CAPZA2: variants seen among roughly 807,000 people sequenced by gnomAD.
The protein encoded by CAPZA2 is capping actin protein of muscle Z-line subunit alpha 2, also known as F-actin-capping protein subunit alpha-2.
CAPZA2 carries 13 observed loss-of-function variants against 44.0 expected under a neutral mutation model. The ratio of observed to expected loss-of-function variants is 0.30; its 90% CI spans 0.19 to 0.47. The LOEUF is 0.47. Among genes scored for constraint, CAPZA2 ranks in the 20% least tolerant of loss-of-function variants. The pLI is 1.00. For missense variants in CAPZA2, 244 were observed against 338.6 expected, an observed-to-expected ratio of 0.72 and a Z score of 2.19; for synonymous variants, 94 against 108.2, an observed-to-expected ratio of 0.87 and a Z score of 0.81.
intron 3 of CAPZA2, among the ~76,000 whole-genome samples, chr7:116,896,677 A>G (rs1796933110): frequency 6.6e-6 from 1 of 152,288 alleles, no homozygotes; most frequent in South Asian, 2.1e-4. Context: ...TGACTTAGAA[A>G]TTGATTGGGC....
At chr7:116,869,445 C>T (rs1278429936) in intron 1 of CAPZA2, among the ~76,000 whole-genome samples, 1 of 152,224 alleles carries the variant, frequency 6.6e-6, no homozygotes, top group Non-Finnish European at 1.5e-5. Flanking sequence ...CCATTTACCT[C>T]CATCTTCATT....
At chr7:116,912,450 A>C (rs572228266) in intron 8 of CAPZA2, among the ~76,000 whole-genome samples, 3 of 152,234 alleles carry the variant, frequency 2.0e-5, no homozygotes, top group African/African-American at 7.2e-5. Flanking sequence ...TAAAAGAAAC[A>C]CTGTACCATT....
intron 1 of CAPZA2, among the ~76,000 whole-genome samples, chr7:116,881,655 C>T (rs1796704319): frequency 2.1e-5 from 3 of 145,732 alleles, no homozygotes; most frequent in Middle Eastern, 3.5e-3. Flanking sequence ...AGGAGAATGG[C>T]ATGAACCCGG....
intron 1 of CAPZA2, among the ~76,000 whole-genome samples, chr7:116,885,150 T>C (rs1350189960): frequency 6.6e-6 from 1 of 152,218 alleles, no homozygotes; most frequent in African/African-American, 2.4e-5. Flanking sequence ...ATATGCCATT[T>C]GATAATATTT....
At position 116,920,114 on chromosome 7, in the gene CAPZA2, GC is replaced by G. The variant is rs1450509019; in HGVS notation, c.*2248del. 1 of 151,078 alleles carries G rather than the reference GC, an allele frequency of 6.6e-6. No homozygotes were observed. Among genetic ancestry groups the G allele is most frequent in the Non-Finnish European group, 1.5e-5 (1 of 67,854 alleles). 9.4% of individuals were successfully genotyped at this position (151,078 alleles called of 1,614,324 possible). A position where few individuals can be genotyped will look rare whatever the true frequency, so the allele number is the denominator to read the frequency against. On this transcript the variant is annotated 3_prime_UTR_variant, in exon 10 of 10. Coordinates refer to ENST00000361183, the MANE Select transcript of CAPZA2 (RefSeq NM_006136.3). ...AAAAAAATTAGCCGGGGATGGTGAT[GC>G]GCGCCTGTAATCCCAACTACTCAGG...
chr7:116,884,205 C>T (rs1044920000), intron 1 of CAPZA2, among the ~76,000 whole-genome samples: 4 of 152,048 alleles, frequency 2.6e-5, no homozygotes, highest in Admixed American at 6.6e-5. Context: ...TACTCTTAAA[C>T]GTTTTAGAAG....
At chr7:116,904,473 A>C in intron 5 of CAPZA2, 90 bp downstream of exon 5, 1 of 751,238 alleles carries the variant, frequency 1.3e-6, no homozygotes, top group Non-Finnish European at 2.2e-6. Context: ...TACAGAATTG[A>C]CATTGTATAA....
intron 5 of CAPZA2, 114 bp downstream of exon 5, chr7:116,904,497 TC>T (rs1554411052): frequency 4.6e-6 from 3 of 659,296 alleles, no homozygotes; most frequent in South Asian, 4.1e-5. Flanking sequence ...GTCATTTTTT[TC>T]CTTAAATATT....
intron 3 of CAPZA2, among the ~76,000 whole-genome samples, chr7:116,897,814 C>T (rs1244788783): frequency 6.6e-6 from 1 of 151,958 alleles, no homozygotes; most frequent in Non-Finnish European, 1.5e-5. Context: ...CATTTCCTAC[C>T]TCACACTCTG....
At chr7:116,885,521 G>A (rs1252653200) in intron 1 of CAPZA2, among the ~76,000 whole-genome samples, 2 of 152,016 alleles carry the variant, frequency 1.3e-5, no homozygotes, top group African/African-American at 4.8e-5. Flanking sequence ...CACAGGTGGA[G>A]GGCTGAGTCC....
At chr7:116,895,442 A>G (rs895387621) in intron 3 of CAPZA2, among the ~76,000 whole-genome samples, 4 of 152,146 alleles carry the variant, frequency 2.6e-5, no homozygotes, top group Non-Finnish European at 5.9e-5. Context: ...TTTCTCTTTT[A>G]TTATAAACCA....
Position 116,888,130 on chromosome 7 carries a change from C to T in CAPZA2, c.43C>T (p.Arg15Cys), listed in dbSNP as rs761003738. 5 of 1,606,684 alleles carry T rather than the reference C, an allele frequency of 3.1e-6. No homozygotes were observed. Among genetic ancestry groups the T allele is most frequent in the African/African-American group, 2.7e-5 (2 of 74,706 alleles). Reference protein sequence around the residue: ...EEQLSDEEKVRIAAKFIIHAP... With the variant: ...EEQLSDEEKVCIAAKFIIHAP... ...TATATCTTTCTTTCTGTTTCAGGTG[C>T]GTATAGCAGCAAAATTCATCATTCA... is the stretch of plus-strand genomic sequence containing the variant. Residue 15 changes from arginine (R) to cysteine (C), a missense_variant, in exon 2 of 10, where the codon CGT becomes TGT. Arg to Cys is a radical substitution (Grantham distance 180, BLOSUM62 -3). Coordinates refer to ENST00000361183, the MANE Select transcript of CAPZA2 (RefSeq NM_006136.3).
intron 1 of CAPZA2, chr7:116,874,785 C>A (rs886693442): frequency 6.6e-6 from 1 of 152,226 alleles, no homozygotes; most frequent in Admixed American, 6.5e-5. Context: ...CTGGGGAATT[C>A]TCTCTAAGAA....
rs543043028 is a variant in CAPZA2, at chr7:116,920,834, G to A, written c.*2967G>A. 1 of 152,372 alleles carries A rather than the reference G, an allele frequency of 6.6e-6. No homozygotes were observed. The highest frequency in any genetic ancestry group is 1.9e-4 in the East Asian group (1 of 5,184). 9.4% of individuals were successfully genotyped at this position (152,372 alleles called of 1,614,324 possible). A position where few individuals can be genotyped will look rare whatever the true frequency, so the allele number is the denominator to read the frequency against. On this transcript the variant is annotated 3_prime_UTR_variant, in exon 10 of 10. Transcript: ENST00000361183. Reference sequence around the variant, plus strand: ...AGTAAATGAGACCAATGATGAGCATGGCTGTATGTTTTTCTTCAACCGTGT... The same window carrying A: ...AGTAAATGAGACCAATGATGAGCATAGCTGTATGTTTTTCTTCAACCGTGT...
chr7:116,904,539 T>G (rs1791459450), intron 5 of CAPZA2, 156 bp downstream of exon 5: 2 of 592,120 alleles, frequency 3.4e-6, no homozygotes, highest in East Asian at 5.6e-5. Flanking sequence ...TTTCAAGAAA[T>G]TCTGGATAAT....
intron 1 of CAPZA2, among the ~76,000 whole-genome samples, chr7:116,882,478 A>ATTT (rs966629031): frequency 6.6e-6 from 1 of 151,194 alleles, no homozygotes; most frequent in African/African-American, 2.4e-5. Flanking sequence ...TATTATTATT[A>ATTT]TTTTTTTTTA....
At chr7:116,892,847 G>A (rs1254315430) in intron 2 of CAPZA2, 147 bp from the exon 3 acceptor site, 1 of 394,682 alleles carries the variant, frequency 2.5e-6, no homozygotes, top group Admixed American at 4.5e-5. Flanking sequence ...ACTATGTTGT[G>A]TGTTTGGTTA....
At chr7:116,882,627 A>G (rs544414371) in intron 1 of CAPZA2, among the ~76,000 whole-genome samples, 14 of 152,160 alleles carry the variant, frequency 9.2e-5, no homozygotes, top group Non-Finnish European at 1.9e-4. Context: ...TATTTTTTGA[A>G]CACCCCAATT....
intron 1 of CAPZA2, among the ~76,000 whole-genome samples, chr7:116,880,714 T>C: frequency 2.1e-5 from 2 of 93,984 alleles, no homozygotes; most frequent in Non-Finnish European, 4.1e-5. Flanking sequence ...TTTTTTTTTT[T>C]TTTTTTTTTT....
Sources: allele counts gnomAD v4.1 joint callset (sites outside exome capture counted in the v4.1 genomes callset), GRCh38; gene constraint gnomAD v4.1.1; transcripts MANE v1.5; gene names NCBI Gene and HGNC (gene_info 2026-07-23, HGNC 2026-07-21).